Variants in PCDH15 observed in about 807,000 individuals in gnomAD.
PCDH15 encodes protocadherin-15.
Under a neutral mutation model 178.5 loss-of-function variants are expected in PCDH15, and 129 were observed. The ratio of observed to expected loss-of-function variants is 0.72; its 90% CI spans 0.63 to 0.84. PCDH15 has a LOEUF of 0.84. Ranked by LOEUF, PCDH15 falls within the 40% of genes least tolerant of loss-of-function variation. The probability of loss-of-function intolerance (pLI) is 0.00; values close to 1 mark genes in which losing one functional copy is unlikely to be tolerated. For missense variants in PCDH15, 2,230 were observed against 2,099.9 expected (o/e 1.06, Z -1.21); for synonymous variants, 800 against 732.0 (o/e 1.09, Z -1.50).
intron 2 of PCDH15, among the ~76,000 whole-genome samples, chr10:54,625,320 A>G (rs2093512368): frequency 6.6e-6 from 1 of 152,198 alleles, no homozygotes; most frequent in South Asian, 2.1e-4. Flanking sequence ...GGAAAGGACT[A>G]CAAGTTTCCT....
At chr10:54,378,555 A>T (rs1226280374) in intron 4 of PCDH15, among the ~76,000 whole-genome samples, 1 of 152,094 alleles carries the variant, frequency 6.6e-6, no homozygotes, top group Non-Finnish European at 1.5e-5. Flanking sequence ...CTTGTTCAGA[A>T]ATTGACAAGC....
At chr10:54,219,357 G>A (rs1484568429) in intron 9 of PCDH15, among the ~76,000 whole-genome samples, 6 of 150,226 alleles carry the variant, frequency 4.0e-5, no homozygotes, top group African/African-American at 7.3e-5. Flanking sequence ...CTGGGAGGCC[G>A]AGACGGGCAG....
intron 3 of PCDH15, among the ~76,000 whole-genome samples, chr10:54,893,472 A>G (rs529282100): frequency 6.6e-6 from 1 of 152,028 alleles, no homozygotes; most frequent in Non-Finnish European, 1.5e-5. Context: ...TATTATCTCC[A>G]TATTCTCACT....
At chr10:53,855,957 A>G (rs1264940128) in intron 28 of PCDH15, among the ~76,000 whole-genome samples, 1 of 136,746 alleles carries the variant, frequency 7.3e-6, no homozygotes, top group African/African-American at 2.8e-5. Flanking sequence ...GTATTCAGCC[A>G]TAAAAAGGAA....
chr10:54,586,447 G>A (rs2091472962), intron 2 of PCDH15, among the ~76,000 whole-genome samples: 1 of 151,996 alleles, frequency 6.6e-6, no homozygotes, highest in Non-Finnish European at 1.5e-5. Flanking sequence ...TATTTACTAA[G>A]GACCTATAAA....
chr10:55,418,434 C>T (rs12411627), intron 2 of PCDH15, among the ~76,000 whole-genome samples: 70,394 of 151,400 alleles, frequency 0.46, 17,181 homozygotes, highest in Middle Eastern at 0.53. Flanking sequence ...ATGTCTAAAA[C>T]GTGGAAAATA....
chr10:55,055,903 G>A (rs528897099), intron 2 of PCDH15, among the ~76,000 whole-genome samples: 1 of 152,184 alleles, frequency 6.6e-6, no homozygotes, highest in South Asian at 2.1e-4. Flanking sequence ...TTTTGATAAT[G>A]TTCAATCTAA....
chr10:55,338,596 T>G (rs1844462941), intron 2 of PCDH15, among the ~76,000 whole-genome samples: 1 of 152,074 alleles, frequency 6.6e-6, no homozygotes, highest in Non-Finnish European at 1.5e-5. Context: ...GGTGAAATCC[T>G]GTCTCTACTA....
chr10:54,389,989 T>C (rs1001374881), intron 3 of PCDH15, among the ~76,000 whole-genome samples: 6 of 152,136 alleles, frequency 3.9e-5, no homozygotes, highest in African/African-American at 1.4e-4. Flanking sequence ...CTGATGCTTG[T>C]TGAAATTTGA....
chr10:54,170,755 C>A (rs2046812508), intron 13 of PCDH15, among the ~76,000 whole-genome samples: 1 of 152,038 alleles, frequency 6.6e-6, no homozygotes. Context: ...GCGGTTCCAC[C>A]AGGCCTAATC....
At chr10:54,360,568 A>G (rs1253084222) in intron 5 of PCDH15, among the ~76,000 whole-genome samples, 2 of 152,036 alleles carry the variant, frequency 1.3e-5, no homozygotes, top group East Asian at 3.9e-4. Context: ...ATTACCTTTT[A>G]GAGTTTTTTC....
chr10:54,022,336 T>C (rs2092948642), intron 19 of PCDH15, among the ~76,000 whole-genome samples: 1 of 63,706 alleles, frequency 1.6e-5, no homozygotes, highest in Non-Finnish European at 3.7e-5. Context: ...GTGTATTGAA[T>C]GTGAAAACAA....
intron 15 of PCDH15, among the ~76,000 whole-genome samples, chr10:54,107,897 C>T (rs16937917): frequency 0.067 from 10,129 of 152,068 alleles, 1,040 homozygotes; most frequent in African/African-American, 0.21. Flanking sequence ...GGTCAGAACC[C>T]AAAGCAGGTA....
intron 23 of PCDH15, among the ~76,000 whole-genome samples, chr10:53,953,099 C>T (rs957112310): frequency 1.9e-4 from 29 of 152,376 alleles, no homozygotes; most frequent in African/African-American, 6.5e-4. Context: ...CTCTCACTGA[C>T]TCTGCAGAGT....
At chr10:54,174,577 A>G (rs1251761390) in intron 13 of PCDH15, among the ~76,000 whole-genome samples, 1 of 151,922 alleles carries the variant, frequency 6.6e-6, no homozygotes, top group African/African-American at 2.4e-5. Context: ...TATGAGAAAA[A>G]ATTGGTAGGA....
intron 3 of PCDH15, among the ~76,000 whole-genome samples, chr10:54,517,719 C>A (rs1171604154): frequency 5.9e-5 from 9 of 152,176 alleles, no homozygotes; most frequent in African/African-American, 2.2e-4. Flanking sequence ...ACCTAATAGA[C>A]ATCTACAGAA....
chr10:53,995,572 T>C (rs2091792209), intron 21 of PCDH15, 77 bp downstream of exon 21: 16 of 1,612,236 alleles, frequency 9.9e-6, no homozygotes, highest in Non-Finnish European at 1.4e-5. Context: ...TTTTGCTGTC[T>C]TGTGATTCGG....
intron 8 of PCDH15, among the ~76,000 whole-genome samples, chr10:54,312,765 C>T (rs1475214295): frequency 1.3e-5 from 2 of 152,018 alleles, no homozygotes; most frequent in African/African-American, 2.4e-5. Context: ...CTGCATGGAG[C>T]AAAGATAAGA....
intron 24 of PCDH15, among the ~76,000 whole-genome samples, chr10:53,939,491 T>G (rs1260849992): frequency 6.6e-6 from 1 of 152,136 alleles, no homozygotes; most frequent in Non-Finnish European, 1.5e-5. Context: ...TAAATAAATT[T>G]GAATGAAAAT....
Sources: allele counts gnomAD v4.1 joint callset (sites outside exome capture counted in the v4.1 genomes callset), GRCh38; gene constraint gnomAD v4.1.1; transcripts MANE v1.5; gene names NCBI Gene and HGNC (gene_info 2026-07-23, HGNC 2026-07-21).